MAD1L1: variants seen among roughly 807,000 people sequenced by gnomAD.
MAD1L1 encodes the protein mitotic spindle assembly checkpoint protein MAD1.
In MAD1L1, 95 loss-of-function variants were observed where a neutral mutation model predicts 96.9. The observed-to-expected ratio is 0.98, with a 90% CI of 0.83 to 1.16. The LOEUF is 1.16. MAD1L1 is among the 50% of genes most tolerant of loss of function. The pLI, the probability that MAD1L1 is intolerant of heterozygous loss-of-function variation, is 0.00. For synonymous variants in MAD1L1, 473 were observed against 396.6 expected (o/e 1.19, Z -2.29); for missense variants, 1,007 against 954.4 (o/e 1.06, Z -0.73).
intron 5 of MAD1L1, among the ~76,000 whole-genome samples, chr7:2,221,307 T>C (rs1017902502): frequency 6.6e-6 from 1 of 151,920 alleles, no homozygotes; most frequent in African/African-American, 2.4e-5. Context: ...GCCCAGCACA[T>C]GGGAACTGGA....
chr7:1,970,886 T>C (rs1187997713), intron 15 of MAD1L1, among the ~76,000 whole-genome samples: 1 of 152,160 alleles, frequency 6.6e-6, no homozygotes, highest in African/African-American at 2.4e-5. Context: ...TATGACCTGC[T>C]CCCCGGATAA....
intron 10 of MAD1L1, among the ~76,000 whole-genome samples, chr7:2,185,444 T>C (rs1791413209): frequency 6.6e-6 from 1 of 152,174 alleles, no homozygotes; most frequent in East Asian, 1.9e-4. Context: ...TGGTACATTT[T>C]CAATACTCAC....
chr7:1,884,780 C>T (rs1249388273), intron 18 of MAD1L1, among the ~76,000 whole-genome samples: 3 of 152,206 alleles, frequency 2.0e-5, no homozygotes, highest in South Asian at 2.1e-4. Flanking sequence ...TGTCTGCTGT[C>T]CCACAGGTCA....
intron 11 of MAD1L1, among the ~76,000 whole-genome samples, chr7:2,098,007 C>A (rs1335039246): frequency 6.6e-6 from 1 of 152,224 alleles, no homozygotes; most frequent in African/African-American, 2.4e-5. Flanking sequence ...TAAGACGGAA[C>A]TGAGAGGAAG....
intron 18 of MAD1L1, among the ~76,000 whole-genome samples, chr7:1,854,730 C>G (rs542368987): frequency 6.6e-6 from 1 of 152,338 alleles, no homozygotes; most frequent in South Asian, 2.1e-4. Flanking sequence ...CTTCTCCACC[C>G]CAGCAGCCCC....
chr7:1,898,999 C>A (rs574286022), intron 17 of MAD1L1, among the ~76,000 whole-genome samples: 1 of 152,344 alleles, frequency 6.6e-6, no homozygotes, highest in Non-Finnish European at 1.5e-5. Flanking sequence ...GCCACCGGGA[C>A]GTTCCGGATC....
At chr7:1,891,738 G>A (rs1398967656) in intron 18 of MAD1L1, among the ~76,000 whole-genome samples, 3 of 151,990 alleles carry the variant, frequency 2.0e-5, no homozygotes, top group Non-Finnish European at 2.9e-5. Context: ...GCGCCACCAC[G>A]CCTGGCTAAG....
intron 13 of MAD1L1, among the ~76,000 whole-genome samples, chr7:2,005,765 C>T (rs951254204): frequency 6.6e-6 from 1 of 152,126 alleles, no homozygotes; most frequent in Non-Finnish European, 1.5e-5. Flanking sequence ...TGGGCCACTG[C>T]ACTTCAGCCT....
rs187976209 is a variant in MAD1L1 at position 2,182,238 on chromosome 7, T to C, written c.986+30974A>G. ...CCACAATAAGTCATTGTTTAAATTATGGTATATCCATCCAATGAAAAATCA... is the reference window on the plus strand; with the variant it reads ...CCACAATAAGTCATTGTTTAAATTACGGTATATCCATCCAATGAAAAATCA... On this transcript the variant is annotated intron_variant, in intron 10 of 18. Coordinates refer to ENST00000265854, the MANE Select transcript of MAD1L1 (RefSeq NM_001013836.2). 2.2e-3 allele frequency among the ~76,000 whole-genome samples: 330 copies of C among 152,112 alleles called. 2 individuals carry two copies. Among genetic ancestry groups the C allele is most frequent in the African/African-American group, 7.6e-3 (315 of 41,488 alleles).
At chr7:2,058,686 C>T (rs1369057194) in intron 12 of MAD1L1, among the ~76,000 whole-genome samples, 1 of 120,034 alleles carries the variant, frequency 8.3e-6, no homozygotes, top group Non-Finnish European at 1.7e-5. Flanking sequence ...AGGCTTGAGG[C>T]TGGAGAGGGA....
intron 13 of MAD1L1, among the ~76,000 whole-genome samples, chr7:2,011,004 G>A (rs1033522627): frequency 5.3e-5 from 8 of 152,162 alleles, no homozygotes; most frequent in Admixed American, 5.2e-4. Flanking sequence ...AAGGGAAAAG[G>A]AGACGGGAAA....
intron 17 of MAD1L1, among the ~76,000 whole-genome samples, chr7:1,918,078 G>A (rs1439735924): frequency 6.6e-6 from 1 of 152,162 alleles, no homozygotes; most frequent in African/African-American, 2.4e-5. Context: ...CAGCACCTCT[G>A]CCCAGTCCAC....
intron 18 of MAD1L1, among the ~76,000 whole-genome samples, chr7:1,818,463 G>A (rs117413518): frequency 0.023 from 3,433 of 152,204 alleles, 110 homozygotes; most frequent in Admixed American, 0.073. Context: ...GGGTCACTCA[G>A]CCTCGAGCTC....
At chr7:1,822,838 G>A (rs146923321) in intron 18 of MAD1L1, among the ~76,000 whole-genome samples, 67 of 151,384 alleles carry the variant, frequency 4.4e-4, no homozygotes, top group African/African-American at 1.5e-3. Flanking sequence ...GTTGAGAACC[G>A]TACAGCTACA....
intron 17 of MAD1L1, among the ~76,000 whole-genome samples, chr7:1,922,546 G>A (rs138880732): frequency 4.6e-5 from 7 of 152,342 alleles, no homozygotes; most frequent in Non-Finnish European, 7.3e-5. Context: ...CGCTCGACTC[G>A]TTTTTATCTT....
chr7:2,000,083 C>T (rs573220825), intron 14 of MAD1L1, among the ~76,000 whole-genome samples: 4 of 152,240 alleles, frequency 2.6e-5, no homozygotes, highest in Admixed American at 6.5e-5. Flanking sequence ...CCCAGGGCAC[C>T]GACTCAAAGC....
chr7:2,141,072 C>T (rs557344557), intron 11 of MAD1L1, among the ~76,000 whole-genome samples: 3 of 152,246 alleles, frequency 2.0e-5, no homozygotes, highest in Non-Finnish European at 4.4e-5. Context: ...GGAGGCACCC[C>T]GGACAGACCC....
intron 11 of MAD1L1, among the ~76,000 whole-genome samples, chr7:2,129,051 C>T (rs1361634262): frequency 6.6e-6 from 1 of 152,190 alleles, no homozygotes; most frequent in African/African-American, 2.4e-5. Flanking sequence ...CACGACCCCA[C>T]CACGAGGACA....
At chr7:2,045,223 C>T (rs1783868441) in intron 12 of MAD1L1, among the ~76,000 whole-genome samples, 1 of 152,210 alleles carries the variant, frequency 6.6e-6, no homozygotes, top group African/African-American at 2.4e-5. Flanking sequence ...GCTGTGAATC[C>T]CTGTAAGAGT....
Sources: gnomAD v4.1 joint callset for allele counts (sites outside exome capture counted in the v4.1 genomes callset) on GRCh38, gnomAD v4.1.1 for gene constraint, MANE v1.5 for transcripts, NCBI Gene and HGNC (gene_info 2026-07-23, HGNC 2026-07-21) for gene names.